DCC: variants seen among roughly 807,000 people sequenced by gnomAD.
The protein encoded by DCC is netrin receptor DCC.
In DCC, 58 loss-of-function variants were observed where a neutral mutation model predicts 172.5. That is an observed-to-expected ratio of 0.34 (90% CI 0.27 to 0.42). The LOEUF is 0.42. Ranked by LOEUF, DCC falls within the 10% of genes least tolerant of loss-of-function variation. DCC has a pLI of 1.00. For missense variants in DCC, 1,740 were observed against 1,791.0 expected (o/e 0.97, Z 0.51); for synonymous variants, 709 against 644.5 (o/e 1.10, Z -1.52).
chr18:53,089,624 T>C (rs1355063459), intron 7 of DCC, among the ~76,000 whole-genome samples: 1 of 152,116 alleles, frequency 6.6e-6, no homozygotes, highest in Non-Finnish European at 1.5e-5. Flanking sequence ...AACTTAAACC[T>C]TCTTTATGGG....
At chr18:52,954,332 TAATC>T (rs1188274784) in intron 5 of DCC, among the ~76,000 whole-genome samples, 3 of 152,098 alleles carry the variant, frequency 2.0e-5, no homozygotes, top group Admixed American at 6.6e-5. Flanking sequence ...GGAGATGAAA[TAATC>T]ATACTGTTTG....
intron 7 of DCC, among the ~76,000 whole-genome samples, chr18:53,133,139 T>A (rs759722577): frequency 7.2e-5 from 11 of 152,216 alleles, no homozygotes; most frequent in Non-Finnish European, 1.5e-4. Flanking sequence ...ATTTTCTTGT[T>A]GTCTGTATTA....
At chr18:52,769,391 G>A (rs2037303995) in intron 2 of DCC, among the ~76,000 whole-genome samples, 1 of 152,102 alleles carries the variant, frequency 6.6e-6, no homozygotes, top group South Asian at 2.1e-4. Flanking sequence ...TCAGATATAT[G>A]TGCAGGTCTT....
At chr18:53,438,626 CAA>C (rs1912089793) in intron 22 of DCC, among the ~76,000 whole-genome samples, 1 of 152,116 alleles carries the variant, frequency 6.6e-6, no homozygotes, top group Non-Finnish European at 1.5e-5. Flanking sequence ...AGATTGAATT[CAA>C]AAGTTTGTTG....
intron 12 of DCC, among the ~76,000 whole-genome samples, chr18:53,244,024 T>G (rs2056337274): frequency 6.6e-6 from 1 of 152,174 alleles, no homozygotes; most frequent in Non-Finnish European, 1.5e-5. Context: ...ATGAGTTTGC[T>G]TCTGCATAAT....
intron 24 of DCC, among the ~76,000 whole-genome samples, chr18:53,464,172 T>C (rs2045591202): frequency 6.6e-6 from 1 of 152,240 alleles, no homozygotes; most frequent in Admixed American, 6.5e-5. Flanking sequence ...ATTTGATCTC[T>C]AGGACTTACA....
At chr18:52,801,999 C>G (rs540668935) in intron 2 of DCC, among the ~76,000 whole-genome samples, 1 of 149,438 alleles carries the variant, frequency 6.7e-6, no homozygotes, top group South Asian at 2.2e-4. Flanking sequence ...TTGCATTATT[C>G]TATTCTTTTT....
chr18:53,168,999 A>G (rs888685958), intron 8 of DCC, among the ~76,000 whole-genome samples: 1 of 152,206 alleles, frequency 6.6e-6, no homozygotes, highest in Non-Finnish European at 1.5e-5. Flanking sequence ...TAATGGCAAA[A>G]TGCTAGAAAA....
chr18:53,361,429 A>C (rs975080912), intron 15 of DCC, among the ~76,000 whole-genome samples: 2 of 152,190 alleles, frequency 1.3e-5, no homozygotes, highest in Non-Finnish European at 2.9e-5. Context: ...TAACAAATAT[A>C]TTTTTAATGA....
intron 15 of DCC, among the ~76,000 whole-genome samples, chr18:53,362,503 G>T (rs1375786556): frequency 6.6e-6 from 1 of 152,164 alleles, no homozygotes; most frequent in African/African-American, 2.4e-5. Flanking sequence ...TCTGTCGAAG[G>T]AACATAATGG....
At chr18:52,991,052 A>G (rs1357208494) in intron 5 of DCC, among the ~76,000 whole-genome samples, 1 of 152,164 alleles carries the variant, frequency 6.6e-6, no homozygotes, top group Non-Finnish European at 1.5e-5. Context: ...ATTCAAGCCC[A>G]AGGATTTACA....
At chr18:53,509,336 G>T (rs2046222509) in intron 27 of DCC, among the ~76,000 whole-genome samples, 1 of 152,242 alleles carries the variant, frequency 6.6e-6, no homozygotes, top group African/African-American at 2.4e-5. Flanking sequence ...GTCCAAACAT[G>T]ATTTGAGATA....
At chr18:53,275,023 T>A (rs1471550444) in intron 12 of DCC, among the ~76,000 whole-genome samples, 4 of 152,098 alleles carry the variant, frequency 2.6e-5, no homozygotes, top group Non-Finnish European at 5.9e-5. Flanking sequence ...CCAACTACAC[T>A]GAAAATTTTA....
rs113920742 is a variant in DCC at position 53,209,008 on chromosome 18, A to T, written c.1861+1191A>T. Among the ~76,000 whole-genome samples the T allele has an allele frequency of 1.5e-3, 227 of 152,290 alleles. 2 individuals carry two copies. Among genetic ancestry groups the T allele is most frequent in the African/African-American group, 5.4e-3 (223 of 41,566 alleles). ...GGCCTCACATAGTGCTGGGATTACA[A>T]GCGTGAGCCACTGCACCCAGCCTCA... On this transcript the variant is annotated intron_variant, in intron 11 of 28. Coordinates refer to ENST00000442544, the MANE Select transcript of DCC (RefSeq NM_005215.4).
intron 2 of DCC, among the ~76,000 whole-genome samples, chr18:52,865,181 A>T (rs2039204024): frequency 6.6e-6 from 1 of 152,060 alleles, no homozygotes; most frequent in Non-Finnish European, 1.5e-5. Context: ...ACCCTTTCTT[A>T]TGGCTGTATA....
intron 1 of DCC, among the ~76,000 whole-genome samples, chr18:52,367,430 G>C (rs1568135446): frequency 6.6e-6 from 1 of 152,216 alleles, no homozygotes; most frequent in Admixed American, 6.5e-5. Flanking sequence ...AAGAGCAAGC[G>C]AGGGCTCTGA....
rs532678272 is a variant in DCC, at chr18:53,411,092, A to T, written c.3130+446A>T. 6.6e-5 allele frequency among the ~76,000 whole-genome samples: 10 copies of T among 151,712 alleles called. No individual in the cohort carries two copies. The East Asian group carries it at 1.9e-3, about 29-fold the overall frequency. On this transcript the variant is annotated intron_variant, in intron 20 of 28. Transcript: ENST00000442544. ...AAGACAGAAAGTTCCAAACCAAAAAAAAAGTCTATTTATTGTAAAGAACCA... is the reference window on the plus strand; with the variant it reads ...AAGACAGAAAGTTCCAAACCAAAAATAAAGTCTATTTATTGTAAAGAACCA...
At chr18:53,494,678 T>C (rs1406854759) in intron 26 of DCC, among the ~76,000 whole-genome samples, 2 of 152,214 alleles carry the variant, frequency 1.3e-5, no homozygotes, top group Admixed American at 6.5e-5. Flanking sequence ...AATCTTCCTC[T>C]ATCCCTTCAT....
At chr18:53,424,639 C>CG (rs1599133294) in intron 21 of DCC, among the ~76,000 whole-genome samples, 1 of 118,542 alleles carries the variant, frequency 8.4e-6, no homozygotes, top group African/African-American at 2.6e-5. Flanking sequence ...AAACTATTAC[C>CG]GGGGGAAGAG....
Sources: gnomAD v4.1 joint callset for allele counts (sites outside exome capture counted in the v4.1 genomes callset) on GRCh38, gnomAD v4.1.1 for gene constraint, MANE v1.5 for transcripts, NCBI Gene and HGNC (gene_info 2026-07-23, HGNC 2026-07-21) for gene names.